GPHN: variants seen among roughly 807,000 people sequenced by gnomAD.
GPHN encodes gephyrin.
GPHN carries 17 observed loss-of-function variants against 95.5 expected under a neutral mutation model. The observed-to-expected ratio is 0.18, with a 90% CI of 0.12 to 0.27. The LOEUF (loss-of-function observed/expected upper bound fraction) is 0.27, where lower values mean the gene tolerates loss of function less well. GPHN is among the 10% of genes least tolerant of loss of function. GPHN has a pLI of 1.00. For missense variants in GPHN, 660 were observed against 978.1 expected, an observed-to-expected ratio of 0.67 and a Z score of 4.34; for synonymous variants, 320 against 322.5, an observed-to-expected ratio of 0.99 and a Z score of 0.08.
the GPHN span, among the ~76,000 whole-genome samples, chr14:67,532,898 A>C: frequency 6.6e-6 from 1 of 150,712 alleles, no homozygotes; most frequent in Non-Finnish European, 1.5e-5. Flanking sequence ...GTCCCCCGCT[A>C]TTTGGGGTCA....
At chr14:66,669,706 T>C (rs576938167) in intron 1 of GPHN, among the ~76,000 whole-genome samples, 3 of 152,326 alleles carry the variant, frequency 2.0e-5, no homozygotes, top group Admixed American at 2.0e-4. Flanking sequence ...CATTCTAGTA[T>C]TGAGCACATC....
chr14:67,327,692 T>A, the GPHN span, among the ~76,000 whole-genome samples: 150 of 151,788 alleles, frequency 9.9e-4, no homozygotes, highest in African/African-American at 3.5e-3. Context: ...CCCTGTGTCC[T>A]GGTGTTCTCA....
intron 1 of GPHN, among the ~76,000 whole-genome samples, chr14:66,573,483 C>T (rs987644918): frequency 2.1e-5 from 3 of 145,762 alleles, no homozygotes; most frequent in African/African-American, 5.1e-5. Context: ...GACGGAGTCT[C>T]GCTCTGTTGC....
intron 5 of GPHN, among the ~76,000 whole-genome samples, chr14:66,903,903 T>A (rs2065242058): frequency 1.3e-5 from 2 of 152,156 alleles, no homozygotes; most frequent in Non-Finnish European, 2.9e-5. Context: ...ATCACAGAAA[T>A]GGGAACAGAA....
intron 2 of GPHN, among the ~76,000 whole-genome samples, chr14:66,720,086 T>C (rs2070586480): frequency 6.6e-6 from 1 of 152,242 alleles, no homozygotes; most frequent in Non-Finnish European, 1.5e-5. Flanking sequence ...AATTATTGTT[T>C]ATCTGCTCAA....
chr14:67,461,686 A>G, the GPHN span, among the ~76,000 whole-genome samples: 2 of 152,190 alleles, frequency 1.3e-5, no homozygotes, highest in Non-Finnish European at 2.9e-5. Context: ...CAGTCAGAAG[A>G]AGAAAAGTTG....
Position 67,168,982 on chromosome 14 carries a change from A to G in GPHN, c.2025A>G (p.Ala675=), listed in dbSNP as rs2082439176. The G allele has an allele frequency of 1.9e-6, 3 of 1,613,836 alleles. No homozygotes were observed. The highest frequency in any genetic ancestry group is 2.5e-6 in the Non-Finnish European group (3 of 1,179,754). ...CCTGCAATCTCTTTGTTGTGCCTGC[A>G]CTGAGGAAAATGCAGGGCATCTTGG... ...VVTCNLFVVP[A]LRKMQGILDP... is the part of the protein sequence containing the mutation. The change falls in exon 21 of 23, where the codon GCA becomes GCG. Residue 675 remains alanine, a synonymous_variant. Coordinates refer to ENST00000478722, the MANE Select transcript of GPHN (RefSeq NM_020806.5).
At chr14:67,323,756 C>A in the GPHN span, 3 of 1,605,464 alleles carry the variant, frequency 1.9e-6, no homozygotes, top group Non-Finnish European at 2.5e-6. Context: ...CTTCATTGCA[C>A]CCCCTTCACA....
chr14:67,163,507 A>G (rs1329187163), intron 19 of GPHN, among the ~76,000 whole-genome samples: 2 of 152,246 alleles, frequency 1.3e-5, no homozygotes, highest in East Asian at 3.9e-4. Flanking sequence ...AACAAGAACT[A>G]TAGAAACATA....
chr14:67,670,161 C>G, the GPHN span, among the ~76,000 whole-genome samples: 3 of 152,202 alleles, frequency 2.0e-5, no homozygotes, highest in African/African-American at 7.2e-5. Context: ...GTCCCCTGTA[C>G]CCAGATTCTT....
At chr14:66,569,099 G>T (rs2060572486) in intron 1 of GPHN, among the ~76,000 whole-genome samples, 2 of 152,094 alleles carry the variant, frequency 1.3e-5, no homozygotes, top group Admixed American at 6.6e-5. Context: ...ACTACTGAGA[G>T]ATTACCTGTT....
chr14:67,505,237 T>C, the GPHN span, among the ~76,000 whole-genome samples: 1 of 152,032 alleles, frequency 6.6e-6, no homozygotes, highest in African/African-American at 2.4e-5. Flanking sequence ...AAAATCTTTG[T>C]GGAGGAATTT....
At chr14:66,836,222 G>A (rs1288666086) in intron 4 of GPHN, among the ~76,000 whole-genome samples, 3 of 133,820 alleles carry the variant, frequency 2.2e-5, no homozygotes, top group Admixed American at 7.4e-5. Flanking sequence ...CCAAAACAGC[G>A]TGGTACTGGT....
intron 2 of GPHN, among the ~76,000 whole-genome samples, chr14:66,773,696 C>G (rs1020893794): frequency 6.6e-6 from 1 of 152,100 alleles, no homozygotes; most frequent in Non-Finnish European, 1.5e-5. Flanking sequence ...TCGTGACTCT[C>G]TTTTGCTTTA....
At chr14:67,241,315 C>T in the GPHN span, 1 of 152,708 alleles carries the variant, frequency 6.5e-6, no homozygotes, top group Non-Finnish European at 1.5e-5. Flanking sequence ...GGGCCGGTCT[C>T]GCGCGGTCTA....
the GPHN span, chr14:67,620,890 A>T: frequency 6.2e-7 from 1 of 1,614,118 alleles, no homozygotes; most frequent in Non-Finnish European, 8.5e-7. Context: ...TGTGTGACTG[A>T]CAGAAAAGAA....
the GPHN span, chr14:67,586,447 C>T: frequency 7.7e-7 from 1 of 1,304,544 alleles, no homozygotes; most frequent in Non-Finnish European, 1.0e-6. Flanking sequence ...AGGGCAGATT[C>T]CTCTTTAAGG....
the GPHN span, among the ~76,000 whole-genome samples, chr14:67,482,928 T>C: frequency 6.6e-6 from 1 of 152,206 alleles, no homozygotes; most frequent in East Asian, 1.9e-4. Context: ...CTTCTCAGTA[T>C]TTCCATGTAT....
chr14:67,327,351 G>C, the GPHN span, among the ~76,000 whole-genome samples: 1 of 151,036 alleles, frequency 6.6e-6, no homozygotes. Flanking sequence ...ACTGTTTTTA[G>C]TTTACTAAAT....
Sources: allele counts gnomAD v4.1 joint callset (sites outside exome capture counted in the v4.1 genomes callset), GRCh38; gene constraint gnomAD v4.1.1; transcripts MANE v1.5; gene names NCBI Gene and HGNC (gene_info 2026-07-23, HGNC 2026-07-21).